VPS13A: variants seen among roughly 807,000 people sequenced by gnomAD.
VPS13A encodes the protein vacuolar protein sorting 13 homolog A.
Under a neutral mutation model 390.9 loss-of-function variants are expected in VPS13A, and 264 were observed. That is an observed-to-expected ratio of 0.68 (90% CI 0.61 to 0.75). VPS13A has a LOEUF of 0.75. VPS13A is among the 30% of genes least tolerant of loss of function. The pLI is 0.00. For missense variants in VPS13A, 3,409 were observed against 3,733.9 expected (o/e 0.91, Z 2.27); for synonymous variants, 1,231 against 1,227.1 (o/e 1.00, Z -0.07).
chr9:77,264,014 A>G (rs961267524), intron 23 of VPS13A, among the ~76,000 whole-genome samples: 4 of 151,770 alleles, frequency 2.6e-5, no homozygotes, highest in African/African-American at 7.3e-5. Context: ...TCTTTCCCCC[A>G]TTGCTTGTTT....
At chr9:77,323,983 TC>T (rs1170332628) in intron 45 of VPS13A, among the ~76,000 whole-genome samples, 2 of 152,246 alleles carry the variant, frequency 1.3e-5, no homozygotes, top group Non-Finnish European at 2.9e-5. Flanking sequence ...GCTTTTTTTT[TC>T]ACCATATGGA....
intron 47 of VPS13A, 99 bp from the exon 48 acceptor site, chr9:77,339,417 A>C: frequency 8.2e-7 from 1 of 1,212,712 alleles, no homozygotes; most frequent in Non-Finnish European, 1.1e-6. Flanking sequence ...GTATTTCAAA[A>C]GCATTTTTTG....
chr9:77,222,614 A>G (rs2131183810), intron 13 of VPS13A, among the ~76,000 whole-genome samples: 1 of 152,254 alleles, frequency 6.6e-6, no homozygotes, highest in African/African-American at 2.4e-5. Flanking sequence ...CCATTTTTCC[A>G]ATAGCATTTA....
At chr9:77,353,716 C>G (rs990462093) in intron 54 of VPS13A, 75 bp downstream of exon 54, 1 of 1,363,898 alleles carries the variant, frequency 7.3e-7, no homozygotes, top group Non-Finnish European at 1.0e-6. Flanking sequence ...TGTAAAATCT[C>G]AAATGATTTA....
intron 23 of VPS13A, among the ~76,000 whole-genome samples, chr9:77,264,113 G>C (rs998261523): frequency 1.3e-5 from 2 of 152,088 alleles, no homozygotes; most frequent in African/African-American, 4.8e-5. Flanking sequence ...TAGATGTGTG[G>C]TGTTATTTCT....
chr9:77,308,810 A>T (rs1386767282), intron 35 of VPS13A, among the ~76,000 whole-genome samples: 2 of 152,188 alleles, frequency 1.3e-5, no homozygotes, highest in Non-Finnish European at 2.9e-5. Flanking sequence ...CTACTAGTTC[A>T]CAAGACTCAC....
chr9:77,210,084 A>G (rs1825881927), intron 6 of VPS13A, among the ~76,000 whole-genome samples: 1 of 152,080 alleles, frequency 6.6e-6, no homozygotes, highest in South Asian at 2.1e-4. Context: ...TCTGGAAAGT[A>G]ATAAAATGTT....
At chr9:77,329,255 G>C (rs1296843498) in intron 45 of VPS13A, among the ~76,000 whole-genome samples, 8 of 152,194 alleles carry the variant, frequency 5.3e-5, no homozygotes. Flanking sequence ...TCATTTGTGT[G>C]TTCACTGGGT....
At chr9:77,240,478 G>GTTTTTTTTTTTT (rs11351060) in intron 19 of VPS13A, among the ~76,000 whole-genome samples, 4 of 126,062 alleles carry the variant, frequency 3.2e-5, no homozygotes, top group Admixed American at 8.0e-5. Context: ...TTATGTTTTT[G>GTTTTTTTTTTTT]TTTTTTTTTT....
chr9:77,280,200 A>T lies in VPS13A; in HGVS notation c.2866A>T (p.Asn956Tyr). The T allele has an allele frequency of 6.2e-7, 1 of 1,612,936 alleles. No individual in the cohort carries two copies. Among genetic ancestry groups the T allele is most frequent in the Non-Finnish European group, 8.5e-7 (1 of 1,179,396 alleles). ...AGTTTATTTGGTTACAACCCTGGAT[A>T]ACACAATGGAAGACCTGTTAACGCT... ...KPVYLVTTLD[N>Y]TMEDLLTLEY... Residue 956 changes from asparagine (N) to tyrosine (Y), a missense_variant, in exon 27 of 72, where the codon AAC becomes TAC. Asn to Tyr is a moderately radical substitution (Grantham distance 143). Coordinates refer to ENST00000360280, the MANE Select transcript of VPS13A (RefSeq NM_033305.3).
intron 1 of VPS13A, 166 bp downstream of exon 1, chr9:77,177,970 C>A: frequency 1.6e-6 from 1 of 609,664 alleles, no homozygotes; most frequent in Non-Finnish European, 2.9e-6. Context: ...GGCGGCAGTT[C>A]CCTGGCCTCC....
chr9:77,368,407 T>C (rs1832559182), intron 62 of VPS13A, among the ~76,000 whole-genome samples: 1 of 152,338 alleles, frequency 6.6e-6, no homozygotes, highest in Middle Eastern at 3.4e-3. Flanking sequence ...TATTAACTAA[T>C]TTATCACACT....
chr9:77,278,009 T>G (rs1826787316), intron 26 of VPS13A, among the ~76,000 whole-genome samples: 1 of 152,198 alleles, frequency 6.6e-6, no homozygotes, highest in African/African-American at 2.4e-5. Context: ...AACGTGACAG[T>G]GTTCCCTAGT....
Position 77,321,541 on chromosome 9 carries a change from A to G in VPS13A, c.5625A>G (p.Leu1875=), listed in dbSNP as rs146280301. The change falls in exon 44 of 72, where the codon CTA becomes CTG. Residue 1875 remains leucine (L), a synonymous_variant. Coordinates refer to ENST00000360280, the MANE Select transcript of VPS13A (RefSeq NM_033305.3). ...CTTCAGCTGACTTCGTAAAGGATCT[A>G]GCACCATTTATGATTTTAAATTCCC... ...TGSSADFVKD[L]APFMILNSLG... is the part of the protein sequence containing the mutation. The G allele has an allele frequency of 1.1e-3, 1,800 of 1,613,544 alleles. 26 individuals carry two copies. In the African/African-American group the frequency reaches 0.022, roughly 19 times the overall value.
At chr9:77,226,394 T>A in intron 14 of VPS13A, 72 bp from the exon 15 acceptor site, 1 of 1,389,880 alleles carries the variant, frequency 7.2e-7, no homozygotes, top group Non-Finnish European at 1.0e-6. Flanking sequence ...TCTCAGAATG[T>A]CTTGCTTATA....
intron 32 of VPS13A, among the ~76,000 whole-genome samples, chr9:77,294,442 T>C (rs1827858208): frequency 6.6e-6 from 1 of 152,208 alleles, no homozygotes; most frequent in South Asian, 2.1e-4. Context: ...TTTAAAATGC[T>C]GTCTCAGTGT....
intron 33 of VPS13A, among the ~76,000 whole-genome samples, chr9:77,299,107 C>G (rs1828184189): frequency 6.6e-6 from 1 of 152,082 alleles, no homozygotes; most frequent in South Asian, 2.1e-4. Context: ...TGTTCTTTTC[C>G]ATTGGTCTAT....
At chr9:77,265,533 A>G (rs1825990282) in intron 23 of VPS13A, among the ~76,000 whole-genome samples, 2 of 152,140 alleles carry the variant, frequency 1.3e-5, no homozygotes, top group African/African-American at 2.4e-5. Context: ...GAGAGGGTGT[A>G]TGTGTCCAGG....
In VPS13A at chr9:77,205,471, A is replaced by T. The variant is rs1021643075; in HGVS notation, c.283+63A>T. 11 of 761,698 alleles carry T rather than the reference A, an allele frequency of 1.4e-5. No individual in the cohort carries two copies. The Admixed American group carries it at 3.5e-4, about 24-fold the overall frequency. 47.2% of individuals were successfully genotyped at this position (761,698 alleles called of 1,614,324 possible). A position where few individuals can be genotyped will look rare whatever the true frequency, so the allele number is the denominator to read the frequency against. On this transcript the variant is annotated intron_variant, in intron 4 of 71. Coordinates refer to ENST00000360280, the MANE Select transcript of VPS13A (RefSeq NM_033305.3). ...CTTTTTTATGGATGGAAAAATATTTATATTCAAAATACTTTTGGAATTTTT... is the reference window on the plus strand; with the variant it reads ...CTTTTTTATGGATGGAAAAATATTTTTATTCAAAATACTTTTGGAATTTTT...
Sources: gnomAD v4.1 joint callset for allele counts (sites outside exome capture counted in the v4.1 genomes callset) on GRCh38, gnomAD v4.1.1 for gene constraint, MANE v1.5 for transcripts, NCBI Gene and HGNC (gene_info 2026-07-23, HGNC 2026-07-21) for gene names.